SLC35F1: variants seen among roughly 807,000 people sequenced by gnomAD.
SLC35F1 encodes chromosome 6 open reading frame 169.
Under a neutral mutation model 48.7 loss-of-function variants are expected in SLC35F1, and 14 were observed. The observed-to-expected ratio is 0.29, with a 90% CI of 0.19 to 0.45. The LOEUF is 0.45. Among genes scored for constraint, SLC35F1 ranks in the 20% least tolerant of loss-of-function variants. The pLI, the probability that SLC35F1 is intolerant of heterozygous loss-of-function variation, is 1.00. For missense variants in SLC35F1, 404 were observed against 500.0 expected (o/e 0.81, Z 1.83); for synonymous variants, 190 against 202.2 (o/e 0.94, Z 0.51).
chr6:118,208,018 G>A (rs1280337305), intron 2 of SLC35F1, among the ~76,000 whole-genome samples: 1 of 152,114 alleles, frequency 6.6e-6, no homozygotes, highest in African/African-American at 2.4e-5. Flanking sequence ...GCCTTCTTTA[G>A]TAAAAGAAAA....
chr6:118,302,980 GA>G lies in SLC35F1; in HGVS notation c.1003-11035del, dbSNP rs5879459. Among the ~76,000 whole-genome samples, 1,026 of 145,440 alleles carry G rather than the reference GA, an allele frequency of 7.1e-3. 7 individuals carry two copies. Among genetic ancestry groups the G allele is most frequent in the African/African-American group, 0.023 (939 of 40,046 alleles). On this transcript the variant is annotated intron_variant, in intron 7 of 7. Coordinates refer to ENST00000360388, the MANE Select transcript of SLC35F1 (RefSeq NM_001029858.4). ...TATCAGGAAACAAACAGCTTATTTAGAAAAAAAAAAAAACATTAAACCCATA... is the reference window on the plus strand; with the variant it reads ...TATCAGGAAACAAACAGCTTATTTAGAAAAAAAAAAAACATTAAACCCATA...
chr6:118,045,859 G>T (rs533903018), intron 1 of SLC35F1, among the ~76,000 whole-genome samples: 1 of 152,258 alleles, frequency 6.6e-6, no homozygotes, highest in Admixed American at 6.5e-5. Context: ...TTGTCACATT[G>T]TTACATTTAC....
At chr6:118,305,554 A>G (rs746326776) in intron 7 of SLC35F1, among the ~76,000 whole-genome samples, 6 of 152,166 alleles carry the variant, frequency 3.9e-5, no homozygotes, top group Non-Finnish European at 7.3e-5. Flanking sequence ...TTTGCCTAAC[A>G]TGATATGACT....
intron 2 of SLC35F1, among the ~76,000 whole-genome samples, chr6:118,222,257 A>G (rs999832632): frequency 6.6e-6 from 1 of 152,172 alleles, no homozygotes; most frequent in Admixed American, 6.6e-5. Flanking sequence ...CGACAGACCA[A>G]ACTTTGAGTA....
rs141150196 is a variant in SLC35F1 at position 118,064,736 on chromosome 6, C to T, written c.174-89709C>T. Reference sequence around the variant, plus strand: ...GCTTGTATTCTAAACTTTGTAACAGCCCTAAGGAATTTATTACTATCTGCA... The same window carrying T: ...GCTTGTATTCTAAACTTTGTAACAGTCCTAAGGAATTTATTACTATCTGCA... On this transcript the variant is annotated intron_variant, in intron 1 of 7. Coordinates refer to ENST00000360388, the MANE Select transcript of SLC35F1 (RefSeq NM_001029858.4). Among the ~76,000 whole-genome samples the T allele has an allele frequency of 2.6e-5, 4 of 152,192 alleles. No homozygotes were observed. In the East Asian group the frequency reaches 5.8e-4, roughly 22 times the overall value.
intron 1 of SLC35F1, among the ~76,000 whole-genome samples, chr6:118,096,718 T>C (rs1299261818): frequency 6.6e-6 from 1 of 152,184 alleles, no homozygotes; most frequent in Non-Finnish European, 1.5e-5. Context: ...CACCTTCCTT[T>C]TGGACCATTT....
intron 1 of SLC35F1, among the ~76,000 whole-genome samples, chr6:117,993,629 C>T (rs933867035): frequency 6.6e-6 from 1 of 152,110 alleles, no homozygotes; most frequent in Non-Finnish European, 1.5e-5. Flanking sequence ...ACTCAGCTTT[C>T]ACCTGTTCAT....
intron 2 of SLC35F1, among the ~76,000 whole-genome samples, chr6:118,187,633 A>T (rs1774678497): frequency 1.3e-5 from 2 of 152,156 alleles, no homozygotes; most frequent in African/African-American, 4.8e-5. Context: ...TTTCTGAGAG[A>T]TGTATGAACC....
At chr6:118,192,942 G>C (rs1774750943) in intron 2 of SLC35F1, among the ~76,000 whole-genome samples, 2 of 151,974 alleles carry the variant, frequency 1.3e-5, no homozygotes, top group African/African-American at 4.8e-5. Flanking sequence ...CAGAATTCCA[G>C]GTTGCCATAA....
intron 1 of SLC35F1, among the ~76,000 whole-genome samples, chr6:118,057,807 A>G (rs1372912647): frequency 6.6e-6 from 1 of 152,294 alleles, no homozygotes; most frequent in South Asian, 2.1e-4. Context: ...AATGAAGACA[A>G]CTAGTTACTA....
intron 1 of SLC35F1, among the ~76,000 whole-genome samples, chr6:117,977,810 C>T (rs1457658024): frequency 1.3e-5 from 2 of 151,856 alleles, no homozygotes; most frequent in Non-Finnish European, 2.9e-5. Context: ...TCTTTTAATG[C>T]ATAGGATATT....
At chr6:117,994,225 T>C (rs1776957043) in intron 1 of SLC35F1, among the ~76,000 whole-genome samples, 1 of 151,926 alleles carries the variant, frequency 6.6e-6, no homozygotes, top group Admixed American at 6.6e-5. Flanking sequence ...TCAACAGCAA[T>C]GTCACATTGC....
At chr6:117,949,394 C>G (rs1308864390) in intron 1 of SLC35F1, among the ~76,000 whole-genome samples, 6 of 152,160 alleles carry the variant, frequency 3.9e-5, no homozygotes, top group Non-Finnish European at 7.3e-5. Context: ...TTATTCCTCT[C>G]TTGGCACACC....
At chr6:118,039,293 G>A (rs537542713) in intron 1 of SLC35F1, among the ~76,000 whole-genome samples, 16 of 151,504 alleles carry the variant, frequency 1.1e-4, no homozygotes, top group East Asian at 3.9e-4. Flanking sequence ...TTTTCTTTAC[G>A]TTTAGTTTTC....
rs1207898736 is a variant in SLC35F1, at chr6:117,961,869, G to A, written c.173+53970G>A. On this transcript the variant is annotated intron_variant, in intron 1 of 7. Coordinates refer to ENST00000360388, the MANE Select transcript of SLC35F1 (RefSeq NM_001029858.4). ...CTTCCTATATTTATGTCTAGCTTGT[G>A]ATACCTAGTCTTACAGTTTATACAT... Among the ~76,000 whole-genome samples the A allele has an allele frequency of 2.6e-5, 4 of 152,256 alleles. No homozygotes were observed. In the East Asian group the frequency reaches 7.7e-4, roughly 29 times the overall value.
chr6:117,929,076 C>T (rs190153642), intron 1 of SLC35F1, among the ~76,000 whole-genome samples: 2 of 151,968 alleles, frequency 1.3e-5, no homozygotes, highest in South Asian at 2.1e-4. Context: ...ATGCAAGAAC[C>T]CTCACCCATC....
intron 3 of SLC35F1, among the ~76,000 whole-genome samples, chr6:118,266,051 T>G (rs1054046366): frequency 1.3e-5 from 2 of 152,196 alleles, no homozygotes; most frequent in African/African-American, 4.8e-5. Flanking sequence ...TACTTTCATA[T>G]GTAGTATCTC....
chr6:117,939,172 A>T (rs554580713), intron 1 of SLC35F1, among the ~76,000 whole-genome samples: 27 of 151,990 alleles, frequency 1.8e-4, no homozygotes, highest in African/African-American at 5.8e-4. Context: ...GCTAATTTTT[A>T]AAATTTGTTG....
Position 117,907,951 on chromosome 6 carries a change from G to C in SLC35F1, c.173+52G>C, listed in dbSNP as rs1775714420. Reference sequence around the variant, plus strand: ...CGGGGGGCGGGGGCTGCGGGCGCCCGGCTCCGGGTCCCCTCCGTCCCTGGG... The same window carrying C: ...CGGGGGGCGGGGGCTGCGGGCGCCCCGCTCCGGGTCCCCTCCGTCCCTGGG... On this transcript the variant is annotated intron_variant, in intron 1 of 7. Transcript: ENST00000360388. 16 of 1,290,602 alleles carry C rather than the reference G, an allele frequency of 1.2e-5. No individual in the cohort carries two copies. In the South Asian group the frequency reaches 3.4e-4, roughly 27 times the overall value. The allele number at this position is 1,290,602 out of a possible 1,614,324, so 79.9% of individuals were successfully genotyped here. A position where few individuals can be genotyped will look rare whatever the true frequency, so the allele number is the denominator to read the frequency against.
Sources: gnomAD v4.1 joint callset for allele counts (sites outside exome capture counted in the v4.1 genomes callset) on GRCh38, gnomAD v4.1.1 for gene constraint, MANE v1.5 for transcripts, NCBI Gene and HGNC (gene_info 2026-07-23, HGNC 2026-07-21) for gene names.